The following BTG4 variants were observed in gnomAD, a reference collection of about 807,000 sequenced individuals.
The protein encoded by BTG4 is protein BTG4.
In BTG4, 10 loss-of-function variants were observed where a neutral mutation model predicts 19.3. The ratio of observed to expected loss-of-function variants is 0.52; its 90% CI spans 0.32 to 0.88. BTG4 has a LOEUF of 0.88. Among genes scored for constraint, BTG4 ranks in the 40% least tolerant of loss-of-function variants. BTG4 has a pLI of 0.04. For synonymous variants in BTG4, 91 were observed against 95.7 expected, an observed-to-expected ratio of 0.95 and a Z score of 0.29; for missense variants, 238 against 281.9, an observed-to-expected ratio of 0.84 and a Z score of 1.11.
chr11:111,485,987 TAGA>T (rs1320932590), intron 5 of BTG4, among the ~76,000 whole-genome samples: 1 of 152,168 alleles, frequency 6.6e-6, no homozygotes, highest in Non-Finnish European at 1.5e-5. Flanking sequence ...TTGGAAAACC[TAGA>T]AGAAATGGAT....
the BTG4 span, among the ~76,000 whole-genome samples, chr11:111,403,147 G>A: frequency 5.9e-5 from 9 of 152,116 alleles, no homozygotes; most frequent in South Asian, 2.1e-4. Flanking sequence ...CTCTTAACTC[G>A]AGCATGACTC....
the BTG4 span, chr11:111,385,447 A>C: frequency 6.6e-6 from 1 of 152,108 alleles, no homozygotes; most frequent in African/African-American, 2.4e-5. Context: ...TCTAAAACTA[A>C]ATAAGGTCAA....
At chr11:111,457,763 C>A in the BTG4 span, 1 of 150,188 alleles carries the variant, frequency 6.7e-6, no homozygotes, top group African/African-American at 2.4e-5. Context: ...CACCCTTGTG[C>A]CCTAGTTCCC....
chr11:111,437,997 T>C, the BTG4 span, among the ~76,000 whole-genome samples: 1 of 152,084 alleles, frequency 6.6e-6, no homozygotes, highest in Non-Finnish European at 1.5e-5. Flanking sequence ...CAGCTATGAC[T>C]CTGACTATAC....
At chr11:111,431,689 C>T in the BTG4 span, among the ~76,000 whole-genome samples, 2 of 152,210 alleles carry the variant, frequency 1.3e-5, no homozygotes, top group Admixed American at 6.5e-5. Context: ...CGGGGCTGGA[C>T]CACAGTGAAA....
At chr11:111,493,115 C>T (rs532740748), downstream of BTG4, among the ~76,000 whole-genome samples, 9 of 152,258 alleles carry the variant, frequency 5.9e-5, no homozygotes, top group South Asian at 1.4e-3. Flanking sequence ...CACTGCACTC[C>T]AGCCTGGGCA....
chr11:111,407,962 G>A, the BTG4 span, among the ~76,000 whole-genome samples: 1 of 152,212 alleles, frequency 6.6e-6, no homozygotes, highest in Non-Finnish European at 1.5e-5. Context: ...GAGTGTCAGG[G>A]TTAGGATGGA....
At chr11:111,500,900 C>T (rs1866034654) in intron 1 of BTG4, among the ~76,000 whole-genome samples, 1 of 151,968 alleles carries the variant, frequency 6.6e-6, no homozygotes, top group Non-Finnish European at 1.5e-5. Flanking sequence ...CATTCCTGCA[C>T]AATACAAAGT....
the BTG4 span, among the ~76,000 whole-genome samples, chr11:111,390,602 C>G: frequency 1.9e-4 from 29 of 152,304 alleles, no homozygotes; most frequent in South Asian, 3.5e-3. Context: ...AATGCCCTCA[C>G]AATAACAAAG....
intron 5 of BTG4, among the ~76,000 whole-genome samples, chr11:111,488,923 A>T (rs556817597): frequency 6.6e-6 from 1 of 152,298 alleles, no homozygotes; most frequent in Admixed American, 6.5e-5. Context: ...AGGTGGGCAG[A>T]TCACCTGAGG....
At chr11:111,427,031 G>A in the BTG4 span, among the ~76,000 whole-genome samples, 9 of 152,200 alleles carry the variant, frequency 5.9e-5, no homozygotes, top group Non-Finnish European at 1.2e-4. Context: ...TCCTTGAAGA[G>A]ACCTAGAATG....
At chr11:111,416,214 G>A in the BTG4 span, among the ~76,000 whole-genome samples, 1 of 151,974 alleles carries the variant, frequency 6.6e-6, no homozygotes, top group African/African-American at 2.4e-5. Context: ...AGCCTGATAG[G>A]GGGATGGAGT....
intron 1 of BTG4, among the ~76,000 whole-genome samples, chr11:111,504,668 G>A (rs138345550): frequency 2.3e-3 from 349 of 152,132 alleles, no homozygotes; most frequent in African/African-American, 7.6e-3. Context: ...TGGAAAAGTA[G>A]AAGTCAAATT....
chr11:111,385,362 T>G, the BTG4 span: 1 of 152,072 alleles, frequency 6.6e-6, no homozygotes, highest in East Asian at 1.9e-4. Flanking sequence ...TTAAGAAGAT[T>G]AAACTCACCA....
intron 5 of BTG4, among the ~76,000 whole-genome samples, chr11:111,481,531 A>G (rs2135575276): frequency 1.3e-5 from 2 of 151,964 alleles, no homozygotes; most frequent in African/African-American, 4.8e-5. Context: ...AAAAATTAGA[A>G]CTGTAGACCA....
the BTG4 span, among the ~76,000 whole-genome samples, chr11:111,400,165 G>A: frequency 1.2e-4 from 18 of 152,182 alleles, no homozygotes; most frequent in South Asian, 6.2e-4. Flanking sequence ...AAGTCATGCC[G>A]CCTCTCTGTG....
At chr11:111,431,888 T>C in the BTG4 span, among the ~76,000 whole-genome samples, 2 of 152,306 alleles carry the variant, frequency 1.3e-5, no homozygotes, top group Non-Finnish European at 2.9e-5. Context: ...GTAGATGCTG[T>C]CACGATGCTT....
At chr11:111,512,916 G>T, upstream of BTG4, 1 of 444,406 alleles carries the variant, frequency 2.3e-6, no homozygotes. Context: ...GACCGTCCGG[G>T]AGCTGCAGCC....
At chr11:111,404,434 C>T in the BTG4 span, among the ~76,000 whole-genome samples, 1 of 152,182 alleles carries the variant, frequency 6.6e-6, no homozygotes, top group East Asian at 1.9e-4. Context: ...AAGATGATGC[C>T]TTACCTGAAG....
Sources: allele counts gnomAD v4.1 joint callset (sites outside exome capture counted in the v4.1 genomes callset), GRCh38; gene constraint gnomAD v4.1.1; transcripts MANE v1.5; gene names NCBI Gene and HGNC (gene_info 2026-07-23, HGNC 2026-07-21).